MYCL: variants seen among roughly 807,000 people sequenced by gnomAD.
MYCL encodes protein L-Myc.
Under a neutral mutation model 31.0 loss-of-function variants are expected in MYCL, and 11 were observed. The observed-to-expected ratio is 0.35, with a 90% confidence interval of 0.22 to 0.59. The LOEUF (loss-of-function observed/expected upper bound fraction) is 0.59, where lower values mean the gene tolerates loss of function less well. Ranked by LOEUF, MYCL falls within the 20% of genes least tolerant of loss-of-function variation. The pLI is 0.79. For missense variants in MYCL, 427 were observed against 486.1 expected (o/e 0.88, Z 1.14); for synonymous variants, 208 against 202.4 (o/e 1.03, Z -0.23).
Position 39,897,562 on chromosome 1 carries a change from A to C in MYCL, c.905T>G (p.Leu302Trp). 1 of 1,614,238 alleles carries C rather than the reference A, an allele frequency of 6.2e-7. No homozygotes were observed. The highest frequency in any genetic ancestry group is 8.5e-7 in the Non-Finnish European group (1 of 1,180,046). The change falls in exon 2 of 2, where the codon TTG (leucine) becomes TGG (tryptophan). Residue 302 changes from leucine (L) to tryptophan (W), a missense_variant. Leu to Trp is a moderately conservative substitution (Grantham distance 61). Transcript: ENST00000372816. This position sits in a 1 kb window ranked among gnomAD's most constrained non-coding sequence, Gnocchi z 4.3. ...GGTGGGCACCTGGTCCCTCAGCGCC[A>C]AGAATCGCGAACGCAGGTCATTCCG... The part of the protein sequence containing the change: ...KRRNDLRSRF[L>W]ALRDQVPTLA...
chr1:39,899,689 G>A lies in MYCL; in HGVS notation c.496+1250C>T, dbSNP rs1002780086. ...CATTAAACAAACATAAACTCTTGGT[G>A]TAGAAAGCAAGCTGGTTAAAAATGA... On this transcript the variant is annotated intron_variant, in intron 1 of 1. Transcript: ENST00000372816. 3.0e-6 allele frequency: 3 copies of A among 985,286 alleles called. No homozygotes were observed. In the African/African-American group the frequency reaches 5.2e-5, roughly 17 times the overall value. The allele number at this position is 985,286 out of a possible 1,614,324, so 61.0% of individuals were successfully genotyped here.
In MYCL at chr1:39,901,550, C is replaced by T. The variant is rs1644540907; in HGVS notation, c.-116G>A. The T allele has an allele frequency of 9.5e-6, 14 of 1,480,212 alleles. No homozygotes were observed. The highest frequency in any genetic ancestry group is 1.4e-5 in the African/African-American group (1 of 71,420). The allele number at this position is 1,480,212 out of a possible 1,614,324, so 91.7% of individuals were successfully genotyped here. On this transcript the variant is annotated 5_prime_UTR_variant, in exon 1 of 2. Transcript: ENST00000372816. This position sits in a 1 kb window ranked among gnomAD's most constrained non-coding sequence, Gnocchi z 6.9. ...TGCCGGGCTCTCGTTCCTCCCCAAC[C>T]CCACCAGCTTGCAGCCTGCGCCCAG...
Position 39,899,605 on chromosome 1 carries a change from C to T in MYCL, c.496+1334G>A, listed in dbSNP as rs1471937523. The T allele has an allele frequency of 7.1e-6, 7 of 984,078 alleles. No homozygotes were observed. In the East Asian group the frequency reaches 7.9e-4, roughly 111 times the overall value. The allele number at this position is 984,078 out of a possible 1,614,324, so 61.0% of individuals were successfully genotyped here. On this transcript the variant is annotated intron_variant, in intron 1 of 1. Coordinates refer to ENST00000372816, the MANE Select transcript of MYCL (RefSeq NM_001033081.3). ...ATGCTCTTTCCACTCTACCACTCCA[C>T]CAGCCGTTGTAGAGATACATCTTTA...
At position 39,895,981 on chromosome 1, in the gene MYCL, A is replaced by G. The variant is rs1217323947; in HGVS notation, c.*1391T>C. The G allele has an allele frequency of 9.0e-6, 2 of 220,998 alleles. No homozygotes were observed. Among genetic ancestry groups the G allele is most frequent in the East Asian group, 1.3e-4 (2 of 15,214 alleles). The allele number at this position is 220,998 out of a possible 1,614,324, so 13.7% of individuals were successfully genotyped here. On this transcript the variant is annotated 3_prime_UTR_variant, in exon 2 of 2. Coordinates refer to ENST00000372816, the MANE Select transcript of MYCL (RefSeq NM_001033081.3). Reference sequence around the variant, plus strand: ...CCTGCTGTCCTGGGCAGAGTTCTGGAGGGGCTGCTGGTCCTTCTTCCAGGA... The same window carrying G: ...CCTGCTGTCCTGGGCAGAGTTCTGGGGGGGCTGCTGGTCCTTCTTCCAGGA...
chr1:39,897,456 C>G lies in MYCL; in HGVS notation c.1011G>C (p.Glu337Asp). The G allele has an allele frequency of 3.1e-6, 5 of 1,614,182 alleles. No homozygotes were observed. Among genetic ancestry groups the G allele is most frequent in the Non-Finnish European group, 4.2e-6 (5 of 1,179,986 alleles). Residue 337 changes from glutamate to aspartate, a missense_variant, in exon 2 of 2, where the codon GAG becomes GAC. By Grantham distance (45) the Glu-to-Asp change is conservative. Transcript: ENST00000372816. The surrounding 1 kb of genome is among the most constrained non-coding windows in gnomAD (Gnocchi z 4.3). Reference protein sequence around the residue: ...LEYLQALVGAEKRMATEKRQL... With the variant: ...LEYLQALVGADKRMATEKRQL... ...GTCTTTTCTCTGTAGCCATCCTCTT[C>G]TCAGCCCCCACCAGGGCTTGCAAGT...
At position 39,897,335 on chromosome 1, in the gene MYCL, G is replaced by C. The variant is rs771452776; in HGVS notation, c.*37C>G. On this transcript the variant is annotated 3_prime_UTR_variant, in exon 2 of 2. Coordinates refer to ENST00000372816, the MANE Select transcript of MYCL (RefSeq NM_001033081.3). This position sits in a 1 kb window ranked among gnomAD's most constrained non-coding sequence, Gnocchi z 4.3. ...GAGGGAGGTTAAAAAATAAACTTGT[G>C]TCTTCGTAAGACAGAACTGTCAGGC... 3 of 1,526,882 alleles carry C rather than the reference G, an allele frequency of 2.0e-6. No individual in the cohort carries two copies. Among genetic ancestry groups the C allele is most frequent in the Non-Finnish European group, 2.6e-6 (3 of 1,133,856 alleles). The allele number at this position is 1,526,882 out of a possible 1,614,324, so 94.6% of individuals were successfully genotyped here. A position where few individuals can be genotyped will look rare whatever the true frequency, so the allele number is the denominator to read the frequency against.
chr1:39,900,790 C>T (rs1487351838), intron 1 of MYCL, 149 bp downstream of exon 1: 3 of 1,445,244 alleles, frequency 2.1e-6, no homozygotes, highest in Middle Eastern at 2.1e-4. Flanking sequence ...CAGACAGACA[C>T]GGTTGGGGAC....
intron 1 of MYCL, among the ~76,000 whole-genome samples, chr1:39,899,354 C>T (rs1383445341): frequency 6.6e-6 from 1 of 152,206 alleles, no homozygotes; most frequent in Non-Finnish European, 1.5e-5. Flanking sequence ...TGTTAAGCCT[C>T]GTGGCTCAGG....
At position 39,895,792 on chromosome 1, in the gene MYCL, G is replaced by C. The variant is rs1644477264; in HGVS notation, c.*1580C>G. The C allele has an allele frequency of 4.4e-6, 1 of 225,124 alleles. No homozygotes were observed. The highest frequency in any genetic ancestry group is 8.8e-6 in the Non-Finnish European group (1 of 113,004). 13.9% of individuals were successfully genotyped at this position (225,124 alleles called of 1,614,324 possible). A position where few individuals can be genotyped will look rare whatever the true frequency, so the allele number is the denominator to read the frequency against. On this transcript the variant is annotated 3_prime_UTR_variant, in exon 2 of 2. Coordinates refer to ENST00000372816, the MANE Select transcript of MYCL (RefSeq NM_001033081.3). ...AACCATGCTCCAGAAGGGTAGAGAG[G>C]CTATTTCCAAACATCCCCTGGGGTC...
chr1:39,900,547 C>A, intron 1 of MYCL: 1 of 1,164,762 alleles, frequency 8.6e-7, no homozygotes, highest in Non-Finnish European at 1.1e-6. Context: ...GGCTTCTTCT[C>A]CCCCTAGGGG....
intron 1 of MYCL, chr1:39,900,028 A>C: frequency 1.0e-6 from 1 of 985,532 alleles, no homozygotes; most frequent in South Asian, 4.7e-5. Context: ...ACTTGCATCA[A>C]GGATGGGAGA....
In MYCL at chr1:39,897,213, C is replaced by T. The variant is rs1644490506; in HGVS notation, c.*159G>A. ...CTGGGTTTCAAGGTTTCCAAGAATG[C>T]AAGCCTTTATTGTGTGTGCACCGGC... On this transcript the variant is annotated 3_prime_UTR_variant, in exon 2 of 2. Transcript: ENST00000372816. The surrounding 1 kb of genome is among the most constrained non-coding windows in gnomAD (Gnocchi z 4.3). 2 of 702,844 alleles carry T rather than the reference C, an allele frequency of 2.8e-6. No homozygotes were observed. Among genetic ancestry groups the T allele is most frequent in the East Asian group, 2.5e-5 (1 of 40,042 alleles). The allele number at this position is 702,844 out of a possible 1,614,324, so 43.5% of individuals were successfully genotyped here. A position where few individuals can be genotyped will look rare whatever the true frequency, so the allele number is the denominator to read the frequency against.
intron 1 of MYCL, among the ~76,000 whole-genome samples, chr1:39,899,265 C>T (rs1220479643): frequency 6.6e-6 from 1 of 152,156 alleles, no homozygotes; most frequent in Non-Finnish European, 1.5e-5. Flanking sequence ...ACTAGAAGCT[C>T]ACAAACAGGT....
rs1458483096 is a variant in MYCL, at chr1:39,901,866, C to T, written c.-432G>A. ...GGCTCCCCGCCGGCTCGGGGCAGCC[C>T]GGCAGCCAGCACACACGCACATGCG... On this transcript the variant is annotated 5_prime_UTR_variant, in exon 1 of 2. Coordinates refer to ENST00000372816, the MANE Select transcript of MYCL (RefSeq NM_001033081.3). This position sits in a 1 kb window ranked among gnomAD's most constrained non-coding sequence, Gnocchi z 6.9. 2 of 1,225,000 alleles carry T rather than the reference C, an allele frequency of 1.6e-6. No individual in the cohort carries two copies. Among genetic ancestry groups the T allele is most frequent in the Non-Finnish European group, 2.0e-6 (2 of 976,508 alleles). 75.9% of individuals were successfully genotyped at this position (1,225,000 alleles called of 1,614,324 possible). A position where few individuals can be genotyped will look rare whatever the true frequency, so the allele number is the denominator to read the frequency against.
chr1:39,900,377 G>A (rs766971314), intron 1 of MYCL: 127 of 986,556 alleles, frequency 1.3e-4, no homozygotes, highest in Non-Finnish European at 1.5e-4. Flanking sequence ...TTAATGGGGA[G>A]TGTTCATTCT....
intron 1 of MYCL, chr1:39,898,679 G>A: frequency 1.1e-5 from 11 of 985,468 alleles, no homozygotes; most frequent in South Asian, 4.7e-5. Flanking sequence ...GGTTAGATTT[G>A]TAATCATAGG....
chr1:39,899,094 C>T, intron 1 of MYCL: 1 of 985,358 alleles, frequency 1.0e-6, no homozygotes, highest in Non-Finnish European at 1.2e-6. Flanking sequence ...CCTCCTGGCC[C>T]CAAAGCCCAT....
At chr1:39,898,339 C>G (rs1481478286) in intron 1 of MYCL, among the ~76,000 whole-genome samples, 1 of 152,232 alleles carries the variant, frequency 6.6e-6, no homozygotes, top group Non-Finnish European at 1.5e-5. Context: ...CTATAAAGAT[C>G]TTCCCCAGTC....
chr1:39,900,875 C>A, intron 1 of MYCL, 64 bp downstream of exon 1: 1 of 1,511,918 alleles, frequency 6.6e-7, no homozygotes. Flanking sequence ...TGACCTCAGG[C>A]AGGGGCAGAG....
Sources: allele counts gnomAD v4.1 joint callset (sites outside exome capture counted in the v4.1 genomes callset), GRCh38; gene constraint gnomAD v4.1.1; non-coding constraint Gnocchi (gnomAD v3.1); transcripts MANE v1.5; gene names NCBI Gene and HGNC (gene_info 2026-07-23, HGNC 2026-07-21).